CD109: variants seen among roughly 807,000 people sequenced by gnomAD.
CD109 encodes the protein CD109 antigen.
In CD109, 149 loss-of-function variants were observed where a neutral mutation model predicts 165.8. The observed-to-expected ratio is 0.90, with a 90% CI of 0.79 to 1.03. The LOEUF is 1.03. Among genes scored for constraint, CD109 ranks in the 50% least tolerant of loss-of-function variants. The pLI, the probability that CD109 is intolerant of heterozygous loss-of-function variation, is 0.00. For missense variants in CD109, 1,712 were observed against 1,677.8 expected (o/e 1.02, Z -0.36); for synonymous variants, 585 against 592.1 (o/e 0.99, Z 0.18).
At chr6:73,820,721 C>CA (rs1439082154) in intron 32 of CD109, among the ~76,000 whole-genome samples, 158 bp downstream of exon 32, 1 of 152,138 alleles carries the variant, frequency 6.6e-6, no homozygotes, top group Non-Finnish European at 1.5e-5. Flanking sequence ...CATTCCATTT[C>CA]AGTGAAGACT....
In CD109 at chr6:73,767,964, G is replaced by C. The variant is rs1773908895; in HGVS notation, c.1498-91G>C. 6 of 1,033,576 alleles carry C rather than the reference G, an allele frequency of 5.8e-6. No homozygotes were observed. In the South Asian group the frequency reaches 8.5e-5, roughly 15 times the overall value. The allele number at this position is 1,033,576 out of a possible 1,614,324, so 64.0% of individuals were successfully genotyped here. On this transcript the variant is annotated intron_variant, in intron 13 of 32. Transcript: ENST00000287097. Reference sequence around the variant, plus strand: ...TGAAGCTGGTTTAATTCAAGAATTTGTGTGTATGCATACAATTATGATTAA... The same window carrying C: ...TGAAGCTGGTTTAATTCAAGAATTTCTGTGTATGCATACAATTATGATTAA...
rs946542819 is a variant in CD109 at position 73,780,490 on chromosome 6, G to A, written c.1894G>A (p.Val632Ile). 1.2e-6 allele frequency: 2 copies of A among 1,602,974 alleles called. No homozygotes were observed. The highest frequency in any genetic ancestry group is 8.5e-7 in the Non-Finnish European group (1 of 1,170,832). Residue 632 changes from valine (V) to isoleucine (I), a missense_variant, in exon 16 of 33, where the codon GTC (valine) becomes ATC (isoleucine). By Grantham distance (29) the Val-to-Ile change is conservative. Transcript: ENST00000287097. Reference protein sequence around the residue: ...YLGMFMNSFAVFQECGLWVLT... With the variant: ...YLGMFMNSFAIFQECGLWVLT... The stretch of plus-strand genomic sequence containing the variant: ...AGGCATGTTCATGAATTCTTTTGCA[G>A]TCTTTCAGGTATGTTTTGCTTGCTA...
the CD109 span, among the ~76,000 whole-genome samples, chr6:73,690,763 T>A: frequency 1.3e-5 from 2 of 152,200 alleles, no homozygotes; most frequent in Admixed American, 1.3e-4. Context: ...TATGATGGAA[T>A]AATTAAATGG....
rs763143078 is a variant in CD109, at chr6:73,771,473, A to G, written c.1719A>G (p.Lys573=). Residue 573 remains lysine (K), a synonymous_variant, in exon 15 of 33, where the codon AAA becomes AAG. Transcript: ENST00000287097. ...WSKVKAEPSE[K]VSLRISVTQP... is the part of the protein sequence containing the mutation. The stretch of plus-strand genomic sequence containing the variant: ...AAGTGAAAGCTGAACCATCTGAGAA[A>G]GTCTCTCTTAGGATCTCTGTGACAC... The G allele has an allele frequency of 1.2e-6, 2 of 1,608,832 alleles. No homozygotes were observed. Among genetic ancestry groups the G allele is most frequent in the South Asian group, 2.2e-5 (2 of 89,430 alleles).
At chr6:73,743,475 T>C (rs1031484079) in intron 5 of CD109, among the ~76,000 whole-genome samples, 2 of 152,214 alleles carry the variant, frequency 1.3e-5, no homozygotes, top group Non-Finnish European at 2.9e-5. Flanking sequence ...CTAGTTTCTC[T>C]TGAGTTACTT....
At chr6:73,780,330 A>G in intron 15 of CD109, 94 bp from the exon 16 acceptor site, 1 of 800,600 alleles carries the variant, frequency 1.2e-6, no homozygotes, top group South Asian at 1.5e-5. Flanking sequence ...CAAAGTTGAT[A>G]AACATGAAGG....
At chr6:73,762,334 C>A in intron 7 of CD109, 50 bp from the exon 8 acceptor site, 2 of 1,122,236 alleles carry the variant, frequency 1.8e-6, no homozygotes, top group Non-Finnish European at 2.7e-6. Flanking sequence ...TTATTGTGTT[C>A]TGACAATATC....
chr6:73,756,533 A>G (rs2150214597), intron 5 of CD109, 110 bp from the exon 6 acceptor site: 1 of 720,578 alleles, frequency 1.4e-6, no homozygotes, highest in South Asian at 1.9e-5. Context: ...ATCATTATAA[A>G]TGTAATTTAA....
rs533858319 is a variant in CD109, at chr6:73,818,931, A to G, written c.4059+396A>G. ...ACTGCAACCTCCAACTCCTGGGCTCAAGTGATCCTCCCACTGCAGGCTCCT... is the reference window on the plus strand; with the variant it reads ...ACTGCAACCTCCAACTCCTGGGCTCGAGTGATCCTCCCACTGCAGGCTCCT... On this transcript the variant is annotated intron_variant, in intron 31 of 32. Transcript: ENST00000287097. Among the ~76,000 whole-genome samples, 344 of 152,322 alleles carry G rather than the reference A, an allele frequency of 2.3e-3. 1 individual carries two copies. The highest frequency in any genetic ancestry group is 7.8e-3 in the African/African-American group (323 of 41,580).
intron 5 of CD109, among the ~76,000 whole-genome samples, chr6:73,752,631 G>A (rs777045032): frequency 1.3e-4 from 20 of 152,196 alleles, no homozygotes. Context: ...TCTACTGGAT[G>A]TGCTTTGGAG....
Position 73,727,998 on chromosome 6 carries a change from G to A in CD109, c.277-2346G>A, listed in dbSNP as rs140435158. On this transcript the variant is annotated intron_variant, in intron 3 of 32. Coordinates refer to ENST00000287097, the MANE Select transcript of CD109 (RefSeq NM_133493.5). The stretch of plus-strand genomic sequence containing the variant: ...TCATGTTGTATCCCAAGTACCTAGG[G>A]CGTCCTGGTACACAAAGGGTGCTCA... 3.7e-3 allele frequency among the ~76,000 whole-genome samples: 566 copies of A among 152,200 alleles called. 6 individuals are homozygous for A. Among genetic ancestry groups the A allele is most frequent in the African/African-American group, 0.013 (540 of 41,520 alleles).
chr6:73,727,207 G>A (rs747872692), intron 3 of CD109, among the ~76,000 whole-genome samples: 42 of 151,808 alleles, frequency 2.8e-4, no homozygotes, highest in Non-Finnish European at 5.6e-4. Flanking sequence ...CTCATTATGC[G>A]CCCCCATTGT....
At chr6:73,764,879 G>A (rs1038046050) in intron 10 of CD109, among the ~76,000 whole-genome samples, 3 of 151,856 alleles carry the variant, frequency 2.0e-5, no homozygotes, top group African/African-American at 7.3e-5. Context: ...TTGTTGAATG[G>A]GTCGGTAGAC....
At chr6:73,768,448 G>A (rs1405169787) in intron 14 of CD109, among the ~76,000 whole-genome samples, 1 of 152,224 alleles carries the variant, frequency 6.6e-6, no homozygotes, top group African/African-American at 2.4e-5. Flanking sequence ...GTAAACTATG[G>A]TTCTGGTCTT....
intron 4 of CD109, among the ~76,000 whole-genome samples, chr6:73,732,391 T>C (rs1323274865): frequency 1.3e-5 from 2 of 152,250 alleles, no homozygotes; most frequent in African/African-American, 2.4e-5. Flanking sequence ...TGCATATTGC[T>C]TGAATTGAAC....
intron 23 of CD109, among the ~76,000 whole-genome samples, chr6:73,793,899 G>A (rs936985467): frequency 3.9e-5 from 6 of 152,108 alleles, no homozygotes; most frequent in African/African-American, 1.4e-4. Context: ...GAGAAATATA[G>A]TTCAACGCTT....
Position 73,758,985 on chromosome 6 carries a change from T to G in CD109, c.715T>G (p.Cys239Gly). 1 of 1,608,130 alleles carries G rather than the reference T, an allele frequency of 6.2e-7. No individual in the cohort carries two copies. Among genetic ancestry groups the G allele is most frequent in the Non-Finnish European group, 8.5e-7 (1 of 1,175,110 alleles). ...FEVTLQTPLYCSMNSKHLNGT... is the reference protein window; with the variant it reads ...FEVTLQTPLYGSMNSKHLNGT... ...AGTGACTTTGCAGACACCATTATAT[T>G]GTTCTATGAATTCTAAGCATTTAAA... Residue 239 changes from cysteine (C) to glycine (G), a missense_variant, in exon 7 of 33, where the codon TGT becomes GGT. Transcript: ENST00000287097.
intron 29 of CD109, among the ~76,000 whole-genome samples, chr6:73,814,405 C>T (rs1342167031): frequency 6.6e-6 from 1 of 152,120 alleles, no homozygotes; most frequent in African/African-American, 2.4e-5. Context: ...CAGGCTCTCC[C>T]AGTGTGTCTA....
At chr6:73,697,925 A>G (rs1770915929) in intron 2 of CD109, among the ~76,000 whole-genome samples, 1 of 152,208 alleles carries the variant, frequency 6.6e-6, no homozygotes, top group Non-Finnish European at 1.5e-5. Flanking sequence ...ACTACTGCTC[A>G]TATTCACAGG....
Sources: gnomAD v4.1 joint callset for allele counts (sites outside exome capture counted in the v4.1 genomes callset) on GRCh38, gnomAD v4.1.1 for gene constraint, MANE v1.5 for transcripts, NCBI Gene and HGNC (gene_info 2026-07-23, HGNC 2026-07-21) for gene names.